ZNF521: variants seen among roughly 807,000 people sequenced by gnomAD.
ZNF521 encodes the protein LYST-interacting protein 3.
ZNF521 carries 14 observed loss-of-function variants against 105.5 expected under a neutral mutation model. The observed-to-expected ratio is 0.13, with a 90% CI of 0.09 to 0.21. The LOEUF (loss-of-function observed/expected upper bound fraction) is 0.21, where lower values mean the gene tolerates loss of function less well. ZNF521 is among the 10% of genes least tolerant of loss of function. The pLI is 1.00. For missense variants in ZNF521, 1,233 were observed against 1,629.7 expected (o/e 0.76, Z 4.19); for synonymous variants, 635 against 606.0 (o/e 1.05, Z -0.70).
At chr18:25,305,064 G>A (rs1257328555) in intron 3 of ZNF521, among the ~76,000 whole-genome samples, 1 of 152,002 alleles carries the variant, frequency 6.6e-6, no homozygotes, top group Admixed American at 6.6e-5. Context: ...TATCTTTATG[G>A]TCATTTGTCG....
At chr18:25,201,521 G>T (rs2035992307) in intron 4 of ZNF521, 1 of 152,150 alleles carries the variant, frequency 6.6e-6, no homozygotes, top group Non-Finnish European at 1.5e-5. Flanking sequence ...TTTTGGACTT[G>T]ACTAAGTCCA....
rs371949276 is a variant in ZNF521, at chr18:25,226,111, C to T, written c.1807G>A (p.Ala603Thr). Residue 603 changes from alanine to threonine, a missense_variant, in exon 4 of 8, where the codon GCC becomes ACC. Ala to Thr is a moderately conservative substitution (Grantham distance 58). This residue lies in a region of ZNF521 where 614 missense variants were observed against 751.5 expected (regional missense o/e 0.82). Coordinates refer to ENST00000361524, the MANE Select transcript of ZNF521 (RefSeq NM_015461.3). The surrounding 1 kb of genome is among the most constrained non-coding windows in gnomAD (Gnocchi z 4.1). ...NYIHNGKKSR[A>T]LSPLSPVAIE... ...GCCACAGGAGATAGGGGGCTTAAGGCCCTGGATTTCTTCCCATTGTGGATA... is the reference window on the plus strand; with the variant it reads ...GCCACAGGAGATAGGGGGCTTAAGGTCCTGGATTTCTTCCCATTGTGGATA... 5 of 1,614,022 alleles carry T rather than the reference C, an allele frequency of 3.1e-6. No homozygotes were observed. Among genetic ancestry groups the T allele is most frequent in the African/African-American group, 2.7e-5 (2 of 74,930 alleles).
At chr18:25,326,165 A>G (rs1241259787) in intron 2 of ZNF521, among the ~76,000 whole-genome samples, 2 of 152,224 alleles carry the variant, frequency 1.3e-5, no homozygotes, top group South Asian at 2.1e-4. Context: ...ATGAATATCT[A>G]AAAGCCATCT....
intron 5 of ZNF521, among the ~76,000 whole-genome samples, chr18:25,134,284 TG>T (rs2034692824): frequency 6.6e-6 from 1 of 152,082 alleles, no homozygotes; most frequent in Non-Finnish European, 1.5e-5. Flanking sequence ...AGGAGGAAAC[TG>T]TTCTAGATCT....
chr18:25,290,071 T>G (rs1198519408), intron 3 of ZNF521, among the ~76,000 whole-genome samples: 7 of 152,176 alleles, frequency 4.6e-5, no homozygotes, highest in Non-Finnish European at 8.8e-5. Context: ...AAATGATGAA[T>G]AAAATTAAAA....
intron 3 of ZNF521, among the ~76,000 whole-genome samples, chr18:25,284,527 A>G (rs1910574421): frequency 6.6e-6 from 1 of 152,160 alleles, no homozygotes; most frequent in Non-Finnish European, 1.5e-5. Context: ...TATTTCCAAA[A>G]TCTGAGTTGA....
chr18:25,079,210 C>A (rs1027731516), intron 7 of ZNF521, among the ~76,000 whole-genome samples: 1 of 152,218 alleles, frequency 6.6e-6, no homozygotes, highest in Admixed American at 6.5e-5. Context: ...GGCCAATGGA[C>A]AGAGTGGGCA....
At chr18:25,238,095 G>A (rs921778613) in intron 3 of ZNF521, among the ~76,000 whole-genome samples, 14 of 152,068 alleles carry the variant, frequency 9.2e-5, no homozygotes, top group African/African-American at 2.4e-4. Context: ...CTCCAGTGCC[G>A]AGGCAAGCAC....
Position 25,224,440 on chromosome 18 carries a change from T to C in ZNF521, c.3478A>G (p.Ile1160Val). 1 of 1,612,506 alleles carries C rather than the reference T, an allele frequency of 6.2e-7. No individual in the cohort carries two copies. The highest frequency in any genetic ancestry group is 2.2e-5 in the East Asian group (1 of 44,736). Residue 1160 changes from isoleucine to valine, a missense_variant, in exon 4 of 8, where the codon ATC becomes GTC. Ile to Val is a conservative substitution (Grantham distance 29). This residue lies in a region of ZNF521 where 614 missense variants were observed against 751.5 expected (regional missense o/e 0.82). Transcript: ENST00000361524. ...ESELQNHIQT[I>V]HRELVPDSNS... is the part of the protein sequence containing the mutation. ...CTGTCTGGCACGAGCTCTCGGTGGA[T>C]GGTTTGGATGTGGTTCTGGAGTTCA... is the stretch of plus-strand genomic sequence containing the variant.
chr18:25,232,961 T>A (rs1906635093), intron 3 of ZNF521, among the ~76,000 whole-genome samples: 1 of 152,172 alleles, frequency 6.6e-6, no homozygotes, highest in East Asian at 1.9e-4. Context: ...ACTTTTTCAG[T>A]CATTAGCTAC....
At chr18:25,104,618 A>T (rs1304618725) in intron 5 of ZNF521, among the ~76,000 whole-genome samples, 1 of 152,192 alleles carries the variant, frequency 6.6e-6, no homozygotes, top group Non-Finnish European at 1.5e-5. Flanking sequence ...TTCCTTAAAG[A>T]CAAAGATTAG....
chr18:25,108,768 G>A (rs1283707327), intron 5 of ZNF521, among the ~76,000 whole-genome samples: 2 of 113,532 alleles, frequency 1.8e-5, no homozygotes, highest in Non-Finnish European at 3.9e-5. Flanking sequence ...GGGACTACAG[G>A]CGTGTGTCAC....
chr18:25,162,773 T>C (rs764099552), intron 5 of ZNF521, among the ~76,000 whole-genome samples: 1 of 152,238 alleles, frequency 6.6e-6, no homozygotes, highest in Non-Finnish European at 1.5e-5. Flanking sequence ...AAGGAAGTGA[T>C]CTCTGTGTCT....
At chr18:25,242,183 G>A (rs894064028) in intron 3 of ZNF521, among the ~76,000 whole-genome samples, 3 of 152,116 alleles carry the variant, frequency 2.0e-5, no homozygotes, top group Non-Finnish European at 4.4e-5. Flanking sequence ...AGGAATTAAA[G>A]CCATCTAAAA....
At chr18:25,212,266 C>T (rs1464064666) in intron 4 of ZNF521, among the ~76,000 whole-genome samples, 2 of 151,398 alleles carry the variant, frequency 1.3e-5, no homozygotes, top group Non-Finnish European at 2.9e-5. Context: ...AATCCTAGCA[C>T]TTTGGGAGGC....
At chr18:25,191,617 T>A (rs951569126) in intron 5 of ZNF521, among the ~76,000 whole-genome samples, 7 of 152,280 alleles carry the variant, frequency 4.6e-5, no homozygotes, top group Non-Finnish European at 7.4e-5. Flanking sequence ...GGCTGGTAAT[T>A]ATTGGTCAAG....
intron 3 of ZNF521, among the ~76,000 whole-genome samples, chr18:25,261,279 A>C (rs1908888487): frequency 6.6e-6 from 1 of 152,162 alleles, no homozygotes; most frequent in Non-Finnish European, 1.5e-5. Context: ...CTAGGGGATG[A>C]CCTTTAAAAC....
intron 2 of ZNF521, among the ~76,000 whole-genome samples, chr18:25,349,909 C>G (rs1914647212): frequency 6.6e-6 from 1 of 151,238 alleles, no homozygotes; most frequent in African/African-American, 2.4e-5. Flanking sequence ...CGCGCCCCTC[C>G]TCCGGCCCTC....
chr18:25,308,921 T>C (rs548881549), intron 3 of ZNF521, among the ~76,000 whole-genome samples: 3 of 152,246 alleles, frequency 2.0e-5, no homozygotes, highest in East Asian at 1.9e-4. Context: ...ATCTAATCAA[T>C]ATAATAATAT....
Sources: allele counts gnomAD v4.1 joint callset (sites outside exome capture counted in the v4.1 genomes callset), GRCh38; gene constraint gnomAD v4.1.1; regional missense constraint gnomAD v4.1.1; non-coding constraint Gnocchi (gnomAD v3.1); transcripts MANE v1.5; gene names NCBI Gene and HGNC (gene_info 2026-07-23, HGNC 2026-07-21).